Variants in ADAMTSL1 observed in about 807,000 individuals in gnomAD.
ADAMTSL1 encodes ADAMTS-like protein 1.
ADAMTSL1 carries 126 observed loss-of-function variants against 201.8 expected under a neutral mutation model. The ratio of observed to expected loss-of-function variants is 0.62; its 90% CI spans 0.54 to 0.72. The LOEUF (loss-of-function observed/expected upper bound fraction) is 0.72. Ranked by LOEUF, ADAMTSL1 falls within the 30% of genes least tolerant of loss-of-function variation. ADAMTSL1 has a pLI of 0.00. For synonymous variants in ADAMTSL1, 1,121 were observed against 903.4 expected (o/e 1.24, Z -4.32); for missense variants, 2,679 against 2,277.8 (o/e 1.18, Z -3.59).
intron 2 of ADAMTSL1, among the ~76,000 whole-genome samples, chr9:18,436,023 T>A (rs997801157): frequency 4.1e-4 from 62 of 152,144 alleles, no homozygotes; most frequent in African/African-American, 1.5e-3. Flanking sequence ...TAGGTAAACG[T>A]GTTTAAACAG....
intron 20 of ADAMTSL1, among the ~76,000 whole-genome samples, chr9:18,808,680 T>C (rs1399260173): frequency 6.6e-6 from 1 of 152,252 alleles, no homozygotes; most frequent in Non-Finnish European, 1.5e-5. Flanking sequence ...GTTGTTTTTA[T>C]AACACAGTAG....
intron 15 of ADAMTSL1, among the ~76,000 whole-genome samples, chr9:18,737,620 T>C (rs1165979870): frequency 2.0e-5 from 3 of 152,192 alleles, no homozygotes; most frequent in Non-Finnish European, 4.4e-5. Context: ...GGTAAGAAGT[T>C]TAGCTGAAAG....
At chr9:18,475,722 A>G (rs932883994) in intron 1 of ADAMTSL1, among the ~76,000 whole-genome samples, 2 of 152,098 alleles carry the variant, frequency 1.3e-5, no homozygotes, top group African/African-American at 4.8e-5. Flanking sequence ...TGTATACACC[A>G]TTAGTTTGTC....
At chr9:18,607,656 C>G (rs1825112832) in intron 4 of ADAMTSL1, among the ~76,000 whole-genome samples, 1 of 151,854 alleles carries the variant, frequency 6.6e-6, no homozygotes, top group African/African-American at 2.4e-5. Flanking sequence ...ATACACGTGC[C>G]ATGTTGGTGT....
chr9:17,958,867 C>A (rs1828033138), intron 1 of ADAMTSL1, among the ~76,000 whole-genome samples: 1 of 152,022 alleles, frequency 6.6e-6, no homozygotes, highest in Admixed American at 6.6e-5. Flanking sequence ...TAATTCCCGG[C>A]AATAGTTGAG....
chr9:18,392,213 G>T (rs1023255665), intron 2 of ADAMTSL1, among the ~76,000 whole-genome samples: 6 of 152,092 alleles, frequency 3.9e-5, no homozygotes, highest in Admixed American at 3.9e-4. Flanking sequence ...AGTAATAAGG[G>T]TCCTACTACT....
At chr9:18,411,484 C>A (rs1818442168) in intron 2 of ADAMTSL1, among the ~76,000 whole-genome samples, 1 of 152,142 alleles carries the variant, frequency 6.6e-6, no homozygotes, top group African/African-American at 2.4e-5. Context: ...TAGGCGTGAG[C>A]CGCCATACCT....
chr9:18,815,350 T>C (rs1823767463), intron 20 of ADAMTSL1, among the ~76,000 whole-genome samples: 1 of 151,230 alleles, frequency 6.6e-6, no homozygotes, highest in African/African-American at 2.4e-5. Context: ...ATATGGTATA[T>C]ATGTACAGTG....
intron 1 of ADAMTSL1, among the ~76,000 whole-genome samples, chr9:18,038,810 T>C (rs1446885509): frequency 6.6e-6 from 1 of 152,204 alleles, no homozygotes; most frequent in Non-Finnish European, 1.5e-5. Context: ...CTTGTTCCAC[T>C]TCTCCATTGG....
intron 1 of ADAMTSL1, among the ~76,000 whole-genome samples, chr9:18,478,533 G>A (rs1821573211): frequency 6.6e-6 from 1 of 152,120 alleles, no homozygotes; most frequent in South Asian, 2.1e-4. Context: ...ATTCATATGT[G>A]TAGTTCTGTT....
At chr9:18,885,403 C>T (rs775989028) in intron 23 of ADAMTSL1, among the ~76,000 whole-genome samples, 1 of 152,168 alleles carries the variant, frequency 6.6e-6, no homozygotes, top group Non-Finnish European at 1.5e-5. Flanking sequence ...CCATAGTAGC[C>T]TCCTTGGTTA....
At chr9:17,964,789 G>T (rs1817913720) in intron 1 of ADAMTSL1, among the ~76,000 whole-genome samples, 2 of 152,096 alleles carry the variant, frequency 1.3e-5, no homozygotes, top group Non-Finnish European at 2.9e-5. Context: ...CATTAAAGAA[G>T]TTTTATTTCG....
At position 18,661,918 on chromosome 9, in the gene ADAMTSL1, A is replaced by T; in HGVS notation, c.947-17A>T. The T allele has an allele frequency of 1.9e-6, 3 of 1,607,508 alleles. No homozygotes were observed. In the South Asian group the frequency reaches 3.4e-5, roughly 18 times the overall value. On this transcript the variant is annotated splice_polypyrimidine_tract_variant and intron_variant, in intron 8 of 28. Coordinates refer to ENST00000380548, the MANE Select transcript of ADAMTSL1 (RefSeq NM_001040272.6). Reference sequence around the variant, plus strand: ...GGCATGTACATTTAAACTTGCCTGGATGGTTTGATACTACAGGTTATCAGC... The same window carrying T: ...GGCATGTACATTTAAACTTGCCTGGTTGGTTTGATACTACAGGTTATCAGC...
At chr9:18,390,582 C>G (rs780362847) in intron 2 of ADAMTSL1, among the ~76,000 whole-genome samples, 1 of 152,178 alleles carries the variant, frequency 6.6e-6, no homozygotes, top group Non-Finnish European at 1.5e-5. Flanking sequence ...TGTTAGTAAG[C>G]GTGCAGAGCC....
At chr9:18,735,748 C>CTTTTCTTTTCTTTTTTTTT (rs762386875) in intron 15 of ADAMTSL1, among the ~76,000 whole-genome samples, 1 of 106,678 alleles carries the variant, frequency 9.4e-6, no homozygotes, top group African/African-American at 3.6e-5. Flanking sequence ...ATTCTTTTTT[C>CTTTTCTTTTCTTTTTTTTT]TTTTTTTTTT....
At chr9:18,622,531 T>A in intron 5 of ADAMTSL1, 162 bp downstream of exon 5, 1 of 1,093,966 alleles carries the variant, frequency 9.1e-7, no homozygotes, top group Non-Finnish European at 1.3e-6. Context: ...TTAGCTTAGG[T>A]GGGACAAGTC....
chr9:18,571,412 A>T (rs1315124964), intron 3 of ADAMTSL1, among the ~76,000 whole-genome samples: 1 of 152,162 alleles, frequency 6.6e-6, no homozygotes, highest in Non-Finnish European at 1.5e-5. Context: ...GCTTTATTGT[A>T]TTTCAGTATA....
chr9:18,671,550 G>A (rs572815519), intron 9 of ADAMTSL1, among the ~76,000 whole-genome samples: 2 of 152,282 alleles, frequency 1.3e-5, no homozygotes, highest in East Asian at 3.9e-4. Flanking sequence ...CTGAATGGTG[G>A]TCGTGATAAC....
intron 20 of ADAMTSL1, among the ~76,000 whole-genome samples, chr9:18,810,474 C>G (rs1823432886): frequency 1.3e-5 from 2 of 152,094 alleles, no homozygotes; most frequent in South Asian, 4.1e-4. Context: ...ATATAAAAAG[C>G]AAGTATAAGA....
Sources: allele counts gnomAD v4.1 joint callset (sites outside exome capture counted in the v4.1 genomes callset), GRCh38; gene constraint gnomAD v4.1.1; transcripts MANE v1.5; gene names NCBI Gene and HGNC (gene_info 2026-07-23, HGNC 2026-07-21).